CDH8: variants seen among roughly 807,000 people sequenced by gnomAD.
CDH8 encodes the protein cadherin-8.
CDH8 carries 17 observed loss-of-function variants against 68.1 expected under a neutral mutation model. The observed-to-expected ratio is 0.25, with a 90% CI of 0.17 to 0.37. The LOEUF is 0.37. Ranked by LOEUF, CDH8 falls within the 10% of genes least tolerant of loss-of-function variation. The probability of loss-of-function intolerance (pLI) is 1.00; values close to 1 mark genes in which losing one functional copy is unlikely to be tolerated. For missense variants in CDH8, 763 were observed against 999.3 expected (o/e 0.76, Z 3.19); for synonymous variants, 372 against 365.1 (o/e 1.02, Z -0.21).
intron 10 of CDH8, among the ~76,000 whole-genome samples, chr16:61,664,708 AG>A (rs1442166286): frequency 6.8e-6 from 1 of 147,538 alleles, no homozygotes; most frequent in African/African-American, 2.6e-5. Context: ...GGCTTTAGAG[AG>A]GAAAAAAAAT....
intron 2 of CDH8, among the ~76,000 whole-genome samples, chr16:61,967,367 T>A (rs1247602841): frequency 6.6e-6 from 1 of 152,222 alleles, no homozygotes; most frequent in African/African-American, 2.4e-5. Context: ...TTCCTCCCAA[T>A]GTGTTAATGC....
chr16:61,713,095 C>G (rs1309292076), intron 10 of CDH8, among the ~76,000 whole-genome samples: 3 of 151,492 alleles, frequency 2.0e-5, no homozygotes, highest in Non-Finnish European at 4.4e-5. Flanking sequence ...GACTTAAATA[C>G]ATTTGAACAA....
At chr16:61,796,149 G>T (rs193192501) in intron 7 of CDH8, among the ~76,000 whole-genome samples, 58 of 151,284 alleles carry the variant, frequency 3.8e-4, no homozygotes, top group African/African-American at 1.2e-3. Flanking sequence ...AGATGGGAGA[G>T]AAAAAGAGAA....
Position 62,022,270 on chromosome 16 carries a change from A to G in CDH8, c.-199-668T>C, listed in dbSNP as rs182588958. Reference sequence around the variant, plus strand: ...GCAATCCTCTGCCAGGATGCTAATAATGAGTGAATAAAATTAGAATGCTCC... The same window carrying G: ...GCAATCCTCTGCCAGGATGCTAATAGTGAGTGAATAAAATTAGAATGCTCC... On this transcript the variant is annotated intron_variant, in intron 1 of 11. Coordinates refer to ENST00000577390, the MANE Select transcript of CDH8 (RefSeq NM_001796.5). 2.4e-4 allele frequency among the ~76,000 whole-genome samples: 37 copies of G among 152,244 alleles called. No homozygotes were observed. In the East Asian group the frequency reaches 6.6e-3, roughly 27 times the overall value.
chr16:61,756,716 A>G (rs1169477094), intron 8 of CDH8, among the ~76,000 whole-genome samples: 2 of 152,226 alleles, frequency 1.3e-5, no homozygotes, highest in South Asian at 2.1e-4. Flanking sequence ...CTCAAAGTAC[A>G]TTCTAAATCT....
At chr16:61,745,398 T>C (rs575530399) in intron 8 of CDH8, among the ~76,000 whole-genome samples, 27 of 152,068 alleles carry the variant, frequency 1.8e-4, no homozygotes, top group African/African-American at 6.3e-4. Context: ...CTTGATGTCT[T>C]CTATCAGATT....
rs1042715688 is a variant in CDH8, at chr16:61,719,992, G to C, written c.1537-6034C>G. Among the ~76,000 whole-genome samples the C allele has an allele frequency of 1.9e-4, 16 of 82,752 alleles. No individual in the cohort carries two copies. The East Asian group carries it at 4.6e-3, about 24-fold the overall frequency. The allele number at this position is 82,752 out of a possible 152,430, so 54.3% of individuals were successfully genotyped here. A position where few individuals can be genotyped will look rare whatever the true frequency, so the allele number is the denominator to read the frequency against. The stretch of plus-strand genomic sequence containing the variant: ...ATTTAATGTCTCCCAATCTTATTAG[G>C]TAACACACACACACACACACACACA... On this transcript the variant is annotated intron_variant, in intron 9 of 11. Coordinates refer to ENST00000577390, the MANE Select transcript of CDH8 (RefSeq NM_001796.5).
chr16:61,903,215 C>T (rs1964007656), intron 2 of CDH8, among the ~76,000 whole-genome samples: 1 of 152,068 alleles, frequency 6.6e-6, no homozygotes, highest in African/African-American at 2.4e-5. Context: ...TATCAATAGC[C>T]TCTGATTATT....
intron 3 of CDH8, among the ~76,000 whole-genome samples, chr16:61,865,239 G>A (rs1301477286): frequency 6.6e-6 from 1 of 152,110 alleles, no homozygotes; most frequent in East Asian, 1.9e-4. Context: ...GACATAAACC[G>A]GGGAAATAAA....
At chr16:61,996,195 A>C (rs893922581) in intron 2 of CDH8, among the ~76,000 whole-genome samples, 1 of 151,886 alleles carries the variant, frequency 6.6e-6, no homozygotes, top group Non-Finnish European at 1.5e-5. Context: ...CAGGTCATCC[A>C]ACCCAATCCC....
intron 8 of CDH8, among the ~76,000 whole-genome samples, chr16:61,757,747 A>G (rs1960360033): frequency 6.6e-6 from 1 of 152,186 alleles, no homozygotes; most frequent in African/African-American, 2.4e-5. Context: ...CCAATTTGCC[A>G]GCCATATGAT....
chr16:61,854,081 T>C (rs1962995941), intron 4 of CDH8, among the ~76,000 whole-genome samples: 1 of 151,852 alleles, frequency 6.6e-6, no homozygotes, highest in Admixed American at 6.6e-5. Context: ...TGAATATACA[T>C]GTATATATGT....
At chr16:61,890,088 A>G (rs1963746663) in intron 3 of CDH8, among the ~76,000 whole-genome samples, 1 of 152,242 alleles carries the variant, frequency 6.6e-6, no homozygotes, top group African/African-American at 2.4e-5. Context: ...TGACCATAAA[A>G]TATATCTCTG....
chr16:61,734,631 G>A (rs1395266646), intron 8 of CDH8, among the ~76,000 whole-genome samples: 1 of 151,878 alleles, frequency 6.6e-6, no homozygotes, highest in East Asian at 1.9e-4. Flanking sequence ...ATTATCATCT[G>A]CCTTCCTTCC....
intron 2 of CDH8, among the ~76,000 whole-genome samples, chr16:61,910,524 G>A (rs968871917): frequency 7.9e-5 from 12 of 151,984 alleles, no homozygotes; most frequent in African/African-American, 2.2e-4. Context: ...AAGAAATAGA[G>A]GTAGATTGGA....
chr16:61,860,764 C>T (rs1166522337), intron 3 of CDH8, among the ~76,000 whole-genome samples: 1 of 152,132 alleles, frequency 6.6e-6, no homozygotes, highest in Non-Finnish European at 1.5e-5. Flanking sequence ...CCTGTCATTA[C>T]CAAATTTCCT....
chr16:61,688,068 T>G (rs997329298), intron 10 of CDH8, among the ~76,000 whole-genome samples: 2 of 151,986 alleles, frequency 1.3e-5, no homozygotes, highest in African/African-American at 2.4e-5. Flanking sequence ...AGAATTTATG[T>G]TCTAAACAAC....
chr16:61,681,454 T>C (rs531366776), intron 10 of CDH8, among the ~76,000 whole-genome samples: 1 of 151,978 alleles, frequency 6.6e-6, no homozygotes, highest in East Asian at 1.9e-4. Context: ...TTCATTTATT[T>C]AAAATGCCCA....
chr16:62,004,746 A>G (rs1331628914), intron 2 of CDH8, among the ~76,000 whole-genome samples: 1 of 152,208 alleles, frequency 6.6e-6, no homozygotes, highest in African/African-American at 2.4e-5. Flanking sequence ...GTAAAATAGA[A>G]AATACTATTC....
Sources: allele counts gnomAD v4.1 joint callset (sites outside exome capture counted in the v4.1 genomes callset), GRCh38; gene constraint gnomAD v4.1.1; transcripts MANE v1.5; gene names NCBI Gene and HGNC (gene_info 2026-07-23, HGNC 2026-07-21).